The following PCDH15 variants were observed in gnomAD, a reference collection of about 807,000 sequenced individuals.
PCDH15 encodes the protein protocadherin related 15.
In PCDH15, 129 loss-of-function variants were observed where a neutral mutation model predicts 178.5. The ratio of observed to expected loss-of-function variants is 0.72; its 90% CI spans 0.63 to 0.84. The LOEUF (loss-of-function observed/expected upper bound fraction) is 0.84. Among genes scored for constraint, PCDH15 ranks in the 40% least tolerant of loss-of-function variants. The probability of loss-of-function intolerance (pLI) is 0.00; values close to 1 mark genes in which losing one functional copy is unlikely to be tolerated. For missense variants in PCDH15, 2,230 were observed against 2,099.9 expected, an observed-to-expected ratio of 1.06 and a Z score of -1.21; for synonymous variants, 800 against 732.0, an observed-to-expected ratio of 1.09 and a Z score of -1.50.
In PCDH15 at chr10:53,818,869, A is replaced by AAAAG. The variant is rs577337190; in HGVS notation, c.4434-860_4434-857dup. ...CATGCATAACTTTCTAAAATCCAACAAAAGAATCTCTGTAGAAAAATTTTT... is the reference window on the plus strand; with the variant it reads ...CATGCATAACTTTCTAAAATCCAACAAAAGAAAGAATCTCTGTAGAAAAATTTTT... On this transcript the variant is annotated intron_variant, in intron 33 of 37. Coordinates refer to ENST00000644397, the MANE Select transcript of PCDH15 (RefSeq NM_001384140.1). Among the ~76,000 whole-genome samples, 65 of 152,192 alleles carry AAAAG rather than the reference A, an allele frequency of 4.3e-4. 2 individuals carry two copies. The East Asian group carries it at 0.011, about 25-fold the overall frequency.
intron 23 of PCDH15, among the ~76,000 whole-genome samples, chr10:53,950,152 TAA>T (rs1254865131): frequency 1.3e-5 from 2 of 152,034 alleles, no homozygotes; most frequent in Non-Finnish European, 2.9e-5. Flanking sequence ...TTCACATGTA[TAA>T]TATTCTGATT....
At chr10:53,892,185 C>T (rs1002464273) in intron 26 of PCDH15, among the ~76,000 whole-genome samples, 9 of 151,850 alleles carry the variant, frequency 5.9e-5, no homozygotes, top group East Asian at 2.0e-4. Flanking sequence ...CCACTGCACC[C>T]GGCTAATTTT....
intron 1 of PCDH15, among the ~76,000 whole-genome samples, chr10:54,676,616 A>C (rs1240495659): frequency 2.0e-5 from 3 of 152,202 alleles, no homozygotes; most frequent in African/African-American, 7.2e-5. Flanking sequence ...TTGTCTAATT[A>C]GACAATAATT....
intron 3 of PCDH15, among the ~76,000 whole-genome samples, chr10:54,384,000 T>C (rs1949606176): frequency 6.7e-6 from 1 of 149,388 alleles, no homozygotes; most frequent in Admixed American, 6.7e-5. Context: ...TTTTTTTTTT[T>C]TTTTTTTTTT....
At chr10:53,896,577 C>G (rs61067206) in intron 26 of PCDH15, among the ~76,000 whole-genome samples, 13,262 of 152,180 alleles carry the variant, frequency 0.087, 1,661 homozygotes, top group African/African-American at 0.27. Context: ...GTCCCCAACC[C>G]TCAGGCCATG....
In PCDH15 at chr10:53,906,947, GA is replaced by G. The variant is rs2082724737; in HGVS notation, c.3374-3578del. ...GGAGAAGTCACCAGATTATCCACTT[GA>G]GAAGTCACTGGGACAATTATAAGAA... On this transcript the variant is annotated intron_variant, in intron 25 of 37. Transcript: ENST00000644397. 9 of 152,104 alleles carry G rather than the reference GA, an allele frequency of 5.9e-5. No individual in the cohort carries two copies. The South Asian group carries it at 1.5e-3, about 25-fold the overall frequency. 9.4% of individuals were successfully genotyped at this position (152,104 alleles called of 1,614,324 possible). A position where few individuals can be genotyped will look rare whatever the true frequency, so the allele number is the denominator to read the frequency against.
intron 15 of PCDH15, among the ~76,000 whole-genome samples, chr10:54,116,739 T>C (rs1048622710): frequency 1.3e-5 from 2 of 152,238 alleles, no homozygotes; most frequent in Admixed American, 1.3e-4. Context: ...AAAGTGATTA[T>C]GGATCATGAT....
chr10:53,950,724 C>T (rs2086952838), intron 23 of PCDH15, among the ~76,000 whole-genome samples: 1 of 152,124 alleles, frequency 6.6e-6, no homozygotes, highest in Non-Finnish European at 1.5e-5. Flanking sequence ...CTTACTTCAC[C>T]TATGGGAGTC....
chr10:53,984,340 C>T (rs537299024), intron 21 of PCDH15, among the ~76,000 whole-genome samples: 5 of 151,790 alleles, frequency 3.3e-5, no homozygotes, highest in East Asian at 2.0e-4. Context: ...TTAGTAGAGA[C>T]GGAGTTTTAC....
intron 35 of PCDH15, among the ~76,000 whole-genome samples, chr10:53,811,996 G>A (rs553461481): frequency 3.9e-5 from 6 of 152,194 alleles, no homozygotes; most frequent in Admixed American, 2.0e-4. Context: ...ATTATTAAGT[G>A]ATGTTGGCCT....
rs7074674 is a variant in PCDH15, at chr10:54,495,262, G to A, written c.157+32550C>T. Among the ~76,000 whole-genome samples, 414 of 152,170 alleles carry A rather than the reference G, an allele frequency of 2.7e-3. 1 individual carries two copies. The highest frequency in any genetic ancestry group is 9.5e-3 in the African/African-American group (393 of 41,528). On this transcript the variant is annotated intron_variant, in intron 3 of 37. Coordinates refer to ENST00000644397, the MANE Select transcript of PCDH15 (RefSeq NM_001384140.1). Reference sequence around the variant, plus strand: ...CATCTGCAAAAGTGCAAATATATGTGGCTATATATAATGTATATGAAGCAG... The same window carrying A: ...CATCTGCAAAAGTGCAAATATATGTAGCTATATATAATGTATATGAAGCAG...
intron 2 of PCDH15, among the ~76,000 whole-genome samples, chr10:55,460,269 CTT>C (rs748537748): frequency 4.8e-4 from 73 of 151,610 alleles, no homozygotes; most frequent in Admixed American, 3.5e-3. Flanking sequence ...CTATATTACT[CTT>C]ATATTATTAT....
intron 28 of PCDH15, among the ~76,000 whole-genome samples, chr10:53,849,519 A>T (rs2078205531): frequency 6.6e-6 from 1 of 152,188 alleles, no homozygotes; most frequent in African/African-American, 2.4e-5. Flanking sequence ...GAAAAAAAGT[A>T]AAACCTACTT....
intron 26 of PCDH15, among the ~76,000 whole-genome samples, chr10:53,903,029 C>T (rs926584345): frequency 6.6e-6 from 1 of 151,972 alleles, no homozygotes; most frequent in African/African-American, 2.4e-5. Flanking sequence ...TATTTTGTTA[C>T]CATTTTCATA....
At chr10:54,489,652 TATTCTGGAGACTAC>T (rs774077897) in intron 3 of PCDH15, among the ~76,000 whole-genome samples, 4 of 152,174 alleles carry the variant, frequency 2.6e-5, no homozygotes, top group Non-Finnish European at 4.4e-5. Flanking sequence ...TACATATACA[TATTCTGGAGACTAC>T]ATTCTGGAGA....
chr10:54,772,444 C>T (rs1949198282), intron 1 of PCDH15, among the ~76,000 whole-genome samples: 1 of 151,884 alleles, frequency 6.6e-6, no homozygotes, highest in Admixed American at 6.6e-5. Flanking sequence ...AAAATTTTGT[C>T]TTATCTTTTT....
At chr10:54,865,891 T>A (rs1035578064) in intron 3 of PCDH15, among the ~76,000 whole-genome samples, 1 of 152,204 alleles carries the variant, frequency 6.6e-6, no homozygotes, top group African/African-American at 2.4e-5. Flanking sequence ...AATAATCTCA[T>A]GTATACTTCA....
intron 25 of PCDH15, among the ~76,000 whole-genome samples, chr10:53,917,040 T>C (rs1419562764): frequency 2.6e-5 from 4 of 152,094 alleles, no homozygotes; most frequent in Admixed American, 6.6e-5. Flanking sequence ...ATAGTACACA[T>C]CAAATAATGT....
chr10:54,256,468 T>G (rs1181326908), intron 8 of PCDH15, among the ~76,000 whole-genome samples: 3 of 152,190 alleles, frequency 2.0e-5, no homozygotes, highest in African/African-American at 7.2e-5. Context: ...TCTACTTGCA[T>G]CTGGTTCTGT....
Sources: gnomAD v4.1 joint callset for allele counts (sites outside exome capture counted in the v4.1 genomes callset) on GRCh38, gnomAD v4.1.1 for gene constraint, MANE v1.5 for transcripts, NCBI Gene and HGNC (gene_info 2026-07-23, HGNC 2026-07-21) for gene names.